NECAB2: variants seen among roughly 807,000 people sequenced by gnomAD.
NECAB2 encodes N-terminal EF-hand calcium-binding protein 2.
In NECAB2, 68 loss-of-function variants were observed where a neutral mutation model predicts 51.9. The observed-to-expected ratio is 1.31, with a 90% CI of 1.08 to 1.60. NECAB2 has a LOEUF of 1.60. Among genes scored for constraint, NECAB2 ranks in the 40% most tolerant of loss-of-function variants. The pLI is 0.00. For synonymous variants in NECAB2, 329 were observed against 203.5 expected (o/e 1.62, Z -5.25); for missense variants, 854 against 490.3 (o/e 1.74, Z -7.00).
At chr16:83,983,386 G>A (rs894679507) in intron 5 of NECAB2, among the ~76,000 whole-genome samples, 6 of 152,116 alleles carry the variant, frequency 3.9e-5, no homozygotes, top group African/African-American at 7.2e-5. Context: ...GGTGGGGCAC[G>A]GCCAGGCATG....
At chr16:83,984,196 C>A (rs965367508) in intron 5 of NECAB2, among the ~76,000 whole-genome samples, 7 of 151,466 alleles carry the variant, frequency 4.6e-5, no homozygotes, top group Non-Finnish European at 1.0e-4. Flanking sequence ...GGGGTTTCAT[C>A]GTGTTAGCCA....
chr16:83,972,102 C>A (rs770619195), intron 1 of NECAB2, 49 bp from the exon 2 acceptor site: 1 of 1,611,060 alleles, frequency 6.2e-7, no homozygotes, highest in Non-Finnish European at 8.5e-7. Flanking sequence ...CTGCAGGAAG[C>A]GCTTGCCTCT....
intron 9 of NECAB2, among the ~76,000 whole-genome samples, chr16:83,997,661 TGGTATTTTTAGTAGAGACGGACA>T (rs1048238725): frequency 6.6e-6 from 1 of 151,536 alleles, no homozygotes; most frequent in Admixed American, 6.6e-5. Context: ...CTAATTTTTT[TGGTATTTTTAGTAGAGACGGACA>T]GGGTTTCACC....
rs913017128 is a variant in NECAB2, at chr16:83,968,408, G to C, written c.-241G>C. Among the ~76,000 whole-genome samples, 1 of 149,150 alleles carries C rather than the reference G, an allele frequency of 6.7e-6. No homozygotes were observed. Among genetic ancestry groups the C allele is most frequent in the African/African-American group, 2.4e-5 (1 of 40,968 alleles). On this transcript the variant is annotated 5_prime_UTR_variant, in exon 1 of 13. Coordinates refer to ENST00000305202, the MANE Select transcript of NECAB2 (RefSeq NM_019065.3). ...GCGCCCGCGCCCCTCGCCCCGGCGG[G>C]CAGTCCTCAGGCCCCGCGCCCGGCC...
chr16:83,985,470 T>TA (rs1309401897), intron 5 of NECAB2, among the ~76,000 whole-genome samples: 1 of 150,812 alleles, frequency 6.6e-6, no homozygotes, highest in Non-Finnish European at 1.5e-5. Context: ...CCGTCTCTAC[T>TA]AAAAATACAA....
chr16:83,966,955 C>T (rs1485686394), upstream of NECAB2, among the ~76,000 whole-genome samples: 3 of 152,144 alleles, frequency 2.0e-5, no homozygotes, highest in African/African-American at 7.2e-5. Context: ...TCACTACAAC[C>T]TCTGCTTCTG....
intron 10 of NECAB2, among the ~76,000 whole-genome samples, chr16:83,999,964 G>A (rs1439790740): frequency 1.3e-5 from 2 of 152,196 alleles, no homozygotes; most frequent in Non-Finnish European, 1.5e-5. Context: ...TCAGCTCACT[G>A]CAACCTCTCA....
intron 5 of NECAB2, among the ~76,000 whole-genome samples, chr16:83,983,658 TCGCTC>T (rs2084516182): frequency 6.6e-6 from 1 of 152,204 alleles, no homozygotes; most frequent in Non-Finnish European, 1.5e-5. Flanking sequence ...GAACAATCCT[TCGCTC>T]CCTGTGATAA....
chr16:83,982,910 C>T (rs887541793), intron 5 of NECAB2, among the ~76,000 whole-genome samples: 2 of 150,438 alleles, frequency 1.3e-5, no homozygotes, highest in African/African-American at 2.5e-5. Flanking sequence ...TCACTCTTGT[C>T]CAGGCTGGAG....
At position 84,000,732 on chromosome 16, in the gene NECAB2, C is replaced by G. The variant is rs1317456971; in HGVS notation, c.971C>G (p.Ala324Gly). Reference protein sequence around the residue: ...TGVRNCFHITAVRLSDGFTFV... With the variant: ...TGVRNCFHITGVRLSDGFTFV... The stretch of plus-strand genomic sequence containing the variant: ...ACCATCTCCTGTTGCAGCATCACTG[C>G]CGTGAGGCTCTCAGATGGCTTCACC... Residue 324 changes from alanine to glycine, a missense_variant, in exon 11 of 13, where the codon GCC becomes GGC. By Grantham distance (60) the Ala-to-Gly change is moderately conservative. Transcript: ENST00000305202. 9 of 1,613,848 alleles carry G rather than the reference C, an allele frequency of 5.6e-6. No individual in the cohort carries two copies. Among genetic ancestry groups the G allele is most frequent in the Non-Finnish European group, 6.8e-6 (8 of 1,179,952 alleles).
At chr16:83,966,397 G>A (rs981543456), upstream of NECAB2, 1 of 230,670 alleles carries the variant, frequency 4.3e-6, no homozygotes, top group Non-Finnish European at 8.5e-6. Flanking sequence ...CACTGGGCTG[G>A]GGGGAAGGGA....
chr16:83,980,696 C>G, intron 3 of NECAB2, 143 bp from the exon 4 acceptor site: 1 of 1,136,374 alleles, frequency 8.8e-7, no homozygotes, highest in Non-Finnish European at 1.3e-6. Flanking sequence ...CCTGCTGCAC[C>G]CTCTTCTGTA....
Position 83,994,333 on chromosome 16 carries a change from G to T in NECAB2, c.628G>T (p.Ala210Ser), listed in dbSNP as rs1317933161. 1.2e-6 allele frequency: 2 copies of T among 1,614,058 alleles called. No homozygotes were observed. The highest frequency in any genetic ancestry group is 1.3e-5 in the African/African-American group (1 of 74,914). ...QNHIKPSHSA[A>S]QTWCGSPTPA... ...CCACATCAAACCCAGCCACAGCGCG[G>T]CACAGACCTGGTGTGGAAGCCCCAC... Residue 210 changes from alanine to serine, a missense_variant, in exon 7 of 13, where the codon GCA (alanine) becomes TCA (serine). Coordinates refer to ENST00000305202, the MANE Select transcript of NECAB2 (RefSeq NM_019065.3).
At chr16:83,993,619 G>GTT (rs1567674929) in intron 6 of NECAB2, 3 of 133,258 alleles carry the variant, frequency 2.3e-5, no homozygotes, top group Non-Finnish European at 3.2e-5. Context: ...TGCAAGGTGA[G>GTT]CTGTGTGTGT....
rs2084694961 is a variant in NECAB2, at chr16:83,996,122, G to C, written c.796-1094G>C. Among the ~76,000 whole-genome samples, 3 of 152,216 alleles carry C rather than the reference G, an allele frequency of 2.0e-5. No individual in the cohort carries two copies. In the East Asian group the frequency reaches 5.8e-4, roughly 29 times the overall value. ...GGCCAACCGGAGCTGCCTCTGGGCT[G>C]GAAGGATGGAGGCTCTAGGGGCCCC... is the stretch of plus-strand genomic sequence containing the variant. On this transcript the variant is annotated intron_variant, in intron 8 of 12. Transcript: ENST00000305202.
At chr16:83,986,177 C>T (rs574175093) in intron 5 of NECAB2, among the ~76,000 whole-genome samples, 19 of 152,210 alleles carry the variant, frequency 1.2e-4, no homozygotes, top group African/African-American at 1.7e-4. Flanking sequence ...CCACCACGCC[C>T]GGCTAATTTT....
At chr16:83,974,057 G>A (rs1050954190) in intron 2 of NECAB2, among the ~76,000 whole-genome samples, 16 of 151,954 alleles carry the variant, frequency 1.1e-4, no homozygotes, top group African/African-American at 2.9e-4. Flanking sequence ...GCACAGCTGT[G>A]GGACTCTCAG....
intron 5 of NECAB2, among the ~76,000 whole-genome samples, chr16:83,987,606 A>ATT (rs11389855): frequency 9.0e-4 from 137 of 151,998 alleles, no homozygotes; most frequent in African/African-American, 3.2e-3. Flanking sequence ...CTTTTACCTA[A>ATT]TTTTTTAACA....
chr16:83,978,286 CTT>C (rs933231880), intron 2 of NECAB2, among the ~76,000 whole-genome samples, 156 bp from the exon 3 acceptor site: 4 of 152,070 alleles, frequency 2.6e-5, no homozygotes, highest in African/African-American at 9.7e-5. Flanking sequence ...TGGAATTTGT[CTT>C]TTAGTTTGGG....
Sources: allele counts gnomAD v4.1 joint callset (sites outside exome capture counted in the v4.1 genomes callset), GRCh38; gene constraint gnomAD v4.1.1; transcripts MANE v1.5; gene names NCBI Gene and HGNC (gene_info 2026-07-23, HGNC 2026-07-21).